Variants in FUT8 observed in about 807,000 individuals in gnomAD.
FUT8 encodes the protein fucosyltransferase 8.
In FUT8, 29 loss-of-function variants were observed where a neutral mutation model predicts 71.3. The ratio of observed to expected loss-of-function variants is 0.41; its 90% CI spans 0.30 to 0.55. FUT8 has a LOEUF of 0.55. Among genes scored for constraint, FUT8 ranks in the 20% least tolerant of loss-of-function variants. The pLI is 0.34. For missense variants in FUT8, 544 were observed against 702.1 expected, an observed-to-expected ratio of 0.77 and a Z score of 2.55; for synonymous variants, 254 against 239.3, an observed-to-expected ratio of 1.06 and a Z score of -0.57.
intron 2 of FUT8, among the ~76,000 whole-genome samples, chr14:65,494,245 A>G (rs1308877146): frequency 4.6e-5 from 7 of 152,210 alleles, no homozygotes; most frequent in Non-Finnish European, 1.0e-4. Flanking sequence ...CAACTAATCA[A>G]TATAAAAATA....
chr14:65,517,842 A>G (rs775376042), intron 2 of FUT8, among the ~76,000 whole-genome samples: 10 of 152,150 alleles, frequency 6.6e-5, no homozygotes, highest in Non-Finnish European at 1.3e-4. Flanking sequence ...GGAACTACAT[A>G]TATGTTTCAA....
chr14:65,675,354 G>C (rs1892663738), intron 7 of FUT8, among the ~76,000 whole-genome samples: 1 of 152,094 alleles, frequency 6.6e-6, no homozygotes, highest in African/African-American at 2.4e-5. Flanking sequence ...GATAAAACAT[G>C]GTACATTTTC....
At chr14:65,693,401 G>A (rs1893813099) in intron 7 of FUT8, among the ~76,000 whole-genome samples, 1 of 152,196 alleles carries the variant, frequency 6.6e-6, no homozygotes, top group African/African-American at 2.4e-5. Flanking sequence ...CAGGCACTCG[G>A]CAGGCTGAGG....
chr14:65,598,010 A>G (rs1482453212), intron 3 of FUT8, among the ~76,000 whole-genome samples: 2 of 152,094 alleles, frequency 1.3e-5, no homozygotes. Context: ...CTCTACAGAA[A>G]ATAAAAAATA....
chr14:65,441,061 A>G (rs1390460369), intron 1 of FUT8, among the ~76,000 whole-genome samples: 1 of 152,222 alleles, frequency 6.6e-6, no homozygotes, highest in Non-Finnish European at 1.5e-5. Flanking sequence ...TAAGCTGGTT[A>G]TATTGAAGTA....
intron 1 of FUT8, among the ~76,000 whole-genome samples, chr14:65,418,853 T>A (rs1347994339): frequency 6.6e-6 from 1 of 152,218 alleles, no homozygotes; most frequent in Non-Finnish European, 1.5e-5. Flanking sequence ...AGGTTTATTA[T>A]AATGATATCA....
chr14:65,476,399 A>G (rs1594675565), intron 2 of FUT8, among the ~76,000 whole-genome samples: 1 of 152,272 alleles, frequency 6.6e-6, no homozygotes, highest in East Asian at 1.9e-4. Flanking sequence ...TGATATCTAA[A>G]AGATTGAATT....
intron 1 of FUT8, among the ~76,000 whole-genome samples, chr14:65,441,514 G>A (rs1236086058): frequency 6.6e-6 from 1 of 151,986 alleles, no homozygotes; most frequent in Non-Finnish European, 1.5e-5. Flanking sequence ...GCCAAGGCAG[G>A]TTAATCACCT....
At chr14:65,645,324 A>T (rs1018863465) in intron 6 of FUT8, among the ~76,000 whole-genome samples, 1 of 152,216 alleles carries the variant, frequency 6.6e-6, no homozygotes, top group African/African-American at 2.4e-5. Flanking sequence ...TAACTGCTTG[A>T]TGCTCTCTAT....
intron 2 of FUT8, among the ~76,000 whole-genome samples, chr14:65,456,526 TTGA>T (rs983295333): frequency 2.6e-5 from 4 of 152,130 alleles, no homozygotes; most frequent in African/African-American, 9.7e-5. Context: ...TTTTTAGTTT[TTGA>T]TGATCATAAA....
the FUT8 span, among the ~76,000 whole-genome samples, chr14:65,363,144 T>C: frequency 2.0e-5 from 3 of 152,112 alleles, no homozygotes; most frequent in Admixed American, 6.6e-5. Context: ...CTTTTTGAGA[T>C]GGAATCTCAC....
At chr14:65,493,882 G>A (rs975636836) in intron 2 of FUT8, among the ~76,000 whole-genome samples, 2 of 151,700 alleles carry the variant, frequency 1.3e-5, no homozygotes, top group African/African-American at 4.8e-5. Flanking sequence ...GTGGGGAGGA[G>A]GTGAATAAAA....
At chr14:65,502,975 AC>A (rs2066670365) in intron 2 of FUT8, among the ~76,000 whole-genome samples, 1 of 152,106 alleles carries the variant, frequency 6.6e-6, no homozygotes, top group South Asian at 2.1e-4. Flanking sequence ...TCCCTTGAGA[AC>A]TACTGGTTTG....
At chr14:65,529,307 C>G (rs1883765441) in intron 2 of FUT8, 1 of 152,188 alleles carries the variant, frequency 6.6e-6, no homozygotes, top group South Asian at 2.1e-4. Context: ...TTTTGGTTCA[C>G]CGCAACCTCT....
At chr14:65,480,534 C>T (rs187051107) in intron 2 of FUT8, among the ~76,000 whole-genome samples, 1 of 151,836 alleles carries the variant, frequency 6.6e-6, no homozygotes, top group Non-Finnish European at 1.5e-5. Context: ...AGGCTGGTTT[C>T]AATCTCCTGG....
At chr14:65,667,275 C>T (rs1207746334) in intron 6 of FUT8, among the ~76,000 whole-genome samples, 4 of 152,060 alleles carry the variant, frequency 2.6e-5, no homozygotes, top group Non-Finnish European at 4.4e-5. Context: ...TAGAAAATCC[C>T]ATATTCCCTA....
intron 3 of FUT8, among the ~76,000 whole-genome samples, chr14:65,612,217 T>C (rs774048045): frequency 4.6e-5 from 7 of 152,194 alleles, no homozygotes; most frequent in Non-Finnish European, 8.8e-5. Flanking sequence ...TTACAAATAT[T>C]CTTAAATTTT....
chr14:65,470,358 C>T (rs2066123324), intron 2 of FUT8, among the ~76,000 whole-genome samples: 1 of 152,186 alleles, frequency 6.6e-6, no homozygotes, highest in Non-Finnish European at 1.5e-5. Flanking sequence ...GGGGACAGGG[C>T]TCCTGCCTGT....
intron 7 of FUT8, among the ~76,000 whole-genome samples, chr14:65,700,543 A>G (rs920184400): frequency 1.7e-4 from 26 of 151,568 alleles, no homozygotes; most frequent in Admixed American, 7.9e-4. Context: ...GGCACCCGCC[A>G]CCACACCTGG....
Sources: allele counts gnomAD v4.1 joint callset (sites outside exome capture counted in the v4.1 genomes callset), GRCh38; gene constraint gnomAD v4.1.1; transcripts MANE v1.5; gene names NCBI Gene and HGNC (gene_info 2026-07-23, HGNC 2026-07-21).